Variants in SLA observed in about 807,000 individuals in gnomAD.
SLA encodes the protein src-like-adapter.
Under a neutral mutation model 30.3 loss-of-function variants are expected in SLA, and 16 were observed. That is an observed-to-expected ratio of 0.53 (90% confidence interval 0.36 to 0.80). The LOEUF is 0.80. SLA is among the 30% of genes least tolerant of loss of function. The pLI is 0.01. For missense variants in SLA, 310 were observed against 345.2 expected (o/e 0.90, Z 0.81); for synonymous variants, 143 against 137.8 (o/e 1.04, Z -0.26).
At position 133,067,862 on chromosome 8, in the gene SLA, GAAAGA is replaced by G. The variant is rs1564145352; in HGVS notation, c.-41+6986_-41+6990del. On this transcript the variant is annotated intron_variant, in intron 2 of 8. Transcript: ENST00000338087. ...AGAGACAGAGAGAGAGAGAAAGAAA[GAAAGA>G]AAGGAAGGAAGGAAGGAAGTATGTA... Among the ~76,000 whole-genome samples the G allele has an allele frequency of 1.0e-3, 73 of 72,148 alleles. 1 individual carries two copies. Among genetic ancestry groups the G allele is most frequent in the African/African-American group, 5.0e-3 (71 of 14,278 alleles). The allele number at this position is 72,148 out of a possible 152,430, so 47.3% of individuals were successfully genotyped here. A position where few individuals can be genotyped will look rare whatever the true frequency, so the allele number is the denominator to read the frequency against.
chr8:133,093,615 T>A (rs1847932412), intron 1 of SLA, among the ~76,000 whole-genome samples: 1 of 152,118 alleles, frequency 6.6e-6, no homozygotes, highest in Non-Finnish European at 1.5e-5. Flanking sequence ...GATCCCCCAA[T>A]TCCATGCACT....
intron 2 of SLA, among the ~76,000 whole-genome samples, chr8:133,069,554 T>G (rs1564148343): frequency 6.6e-6 from 1 of 152,154 alleles, no homozygotes; most frequent in Non-Finnish European, 1.5e-5. Flanking sequence ...TTAGGGTGGG[T>G]CACAATTCGA....
intron 8 of SLA, 60 bp downstream of exon 8, chr8:133,039,938 A>G: frequency 6.6e-7 from 1 of 1,518,948 alleles, no homozygotes; most frequent in Non-Finnish European, 8.8e-7. Flanking sequence ...TCACATGTTC[A>G]CAGAGCACTT....
At chr8:133,084,900 G>A (rs1284490876) in intron 1 of SLA, among the ~76,000 whole-genome samples, 2 of 152,234 alleles carry the variant, frequency 1.3e-5, no homozygotes, top group Non-Finnish European at 2.9e-5. Flanking sequence ...CATAGAGGGT[G>A]GGTAGTGTCA....
At chr8:133,072,300 C>T (rs1165671187) in intron 2 of SLA, among the ~76,000 whole-genome samples, 8 of 152,184 alleles carry the variant, frequency 5.3e-5, no homozygotes, top group African/African-American at 1.9e-4. Flanking sequence ...CCTCCCTTAG[C>T]GGTTCTCAGA....
intron 2 of SLA, 32 bp from the exon 3 acceptor site, chr8:133,060,232 A>G (rs771928859): frequency 1.1e-5 from 17 of 1,612,870 alleles, no homozygotes; most frequent in African/African-American, 4.0e-5. Context: ...GGGAAAGTCA[A>G]CCGTGCCCTG....
intron 7 of SLA, 101 bp from the exon 8 acceptor site, chr8:133,040,231 G>A: frequency 2.3e-6 from 3 of 1,307,610 alleles, no homozygotes; most frequent in Non-Finnish European, 3.2e-6. Flanking sequence ...CCTGGCTGCT[G>A]CCATGGGGAA....
At chr8:133,065,648 A>G (rs1197039627) in intron 2 of SLA, among the ~76,000 whole-genome samples, 3 of 151,950 alleles carry the variant, frequency 2.0e-5, no homozygotes, top group African/African-American at 7.3e-5. Flanking sequence ...TGTAATCCCA[A>G]CTACTCAGGA....
chr8:133,094,658 G>A (rs528474433), intron 1 of SLA: 2 of 326,940 alleles, frequency 6.1e-6, no homozygotes, highest in South Asian at 5.5e-5. Context: ...CCCCCAGGAG[G>A]TGCTGGTGGG....
intron 1 of SLA, among the ~76,000 whole-genome samples, chr8:133,088,154 A>C (rs1846906891): frequency 6.6e-6 from 1 of 151,704 alleles, no homozygotes; most frequent in Non-Finnish European, 1.5e-5. Context: ...CTTGGGATAG[A>C]CTCTCCCTTG....
chr8:133,077,838 G>C (rs1418961167), intron 1 of SLA, among the ~76,000 whole-genome samples: 1 of 151,698 alleles, frequency 6.6e-6, no homozygotes, highest in Non-Finnish European at 1.5e-5. Context: ...AGCATCTCTG[G>C]ACCTGACCCC....
At chr8:133,070,649 TTG>T (rs1843861954) in intron 2 of SLA, among the ~76,000 whole-genome samples, 2 of 152,202 alleles carry the variant, frequency 1.3e-5, no homozygotes, top group Non-Finnish European at 2.9e-5. Context: ...TGTAAATCCT[TTG>T]TCTTTTTACT....
chr8:133,070,427 G>T (rs1446380732), intron 2 of SLA, among the ~76,000 whole-genome samples: 1 of 152,208 alleles, frequency 6.6e-6, no homozygotes, highest in African/African-American at 2.4e-5. Context: ...TATGCGGAGG[G>T]CCTAAAGGAG....
At chr8:133,086,146 A>G (rs1429824819) in intron 1 of SLA, among the ~76,000 whole-genome samples, 6 of 152,238 alleles carry the variant, frequency 3.9e-5, no homozygotes, top group Non-Finnish European at 8.8e-5. Flanking sequence ...AATGTCCAGA[A>G]TAGGTAACTC....
chr8:133,060,065 A>T, intron 3 of SLA, 35 bp downstream of exon 3: 1 of 1,548,776 alleles, frequency 6.5e-7, no homozygotes, highest in Non-Finnish European at 8.7e-7. Flanking sequence ...CTTGTAGCAC[A>T]GACTCAAGCA....
chr8:133,102,520 G>A (rs1426908330), intron 1 of SLA, 33 bp downstream of exon 1: 2 of 1,550,430 alleles, frequency 1.3e-6, no homozygotes, highest in Non-Finnish European at 1.7e-6. Flanking sequence ...GCCCACCCAG[G>A]GGGTCCCAAT....
At chr8:133,096,344 G>T (rs1036754438) in intron 1 of SLA, 1 of 1,614,054 alleles carries the variant, frequency 6.2e-7, no homozygotes, top group Non-Finnish European at 8.5e-7. Flanking sequence ...TCAGGACGAC[G>T]GGCTCATCAA....
chr8:133,081,371 G>A (rs185753667), intron 1 of SLA, among the ~76,000 whole-genome samples: 7 of 152,338 alleles, frequency 4.6e-5, no homozygotes, highest in Admixed American at 2.0e-4. Flanking sequence ...TCACCTCTGG[G>A]GAAGACAATA....
intron 1 of SLA, chr8:133,095,163 C>A: frequency 6.2e-7 from 1 of 1,614,216 alleles, no homozygotes; most frequent in South Asian, 1.1e-5. Flanking sequence ...TGGTGTCCTG[C>A]CTCCGCCAGA....
Sources: allele counts gnomAD v4.1 joint callset (sites outside exome capture counted in the v4.1 genomes callset), GRCh38; gene constraint gnomAD v4.1.1; transcripts MANE v1.5; gene names NCBI Gene and HGNC (gene_info 2026-07-23, HGNC 2026-07-21).